FAM186A: variants seen among roughly 807,000 people sequenced by gnomAD.
FAM186A encodes family with sequence similarity 186 member A.
A neutral mutation model predicts 216.8 loss-of-function variants in FAM186A; 163 were observed. The observed-to-expected ratio is 0.75, with a 90% CI of 0.66 to 0.86. The LOEUF (loss-of-function observed/expected upper bound fraction) is 0.86. Ranked by LOEUF, FAM186A falls within the 40% of genes least tolerant of loss-of-function variation. The pLI is 0.00. For synonymous variants in FAM186A, 805 were observed against 1,025.3 expected, an observed-to-expected ratio of 0.79 and a Z score of 4.10; for missense variants, 2,184 against 2,746.2, an observed-to-expected ratio of 0.80 and a Z score of 4.58.
intron 1 of FAM186A, among the ~76,000 whole-genome samples, chr12:50,380,142 C>T (rs1943240642): frequency 6.6e-6 from 1 of 152,096 alleles, no homozygotes; most frequent in Admixed American, 6.6e-5. Context: ...AATATGAATA[C>T]TAACAACTGA....
intron 6 of FAM186A, among the ~76,000 whole-genome samples, chr12:50,330,977 C>A (rs2068920661): frequency 6.6e-6 from 1 of 152,014 alleles, no homozygotes; most frequent in African/African-American, 2.4e-5. Flanking sequence ...CCTAGTAATC[C>A]ATTTTAAAAC....
At position 50,353,580 on chromosome 12, in the gene FAM186A, C is replaced by A; in HGVS notation, c.3252G>T (p.Gly1084=). ...GGGCCTGCTGAGGAGTGAGTGTGAT[C>A]CCCACTTCCTGGGCCTGCTGAGGTG... ...HLTPQQAQEV[G]ITLTPQQAQA... is the part of the protein sequence containing the mutation. The change falls in exon 4 of 8, where the codon GGG becomes GGT. Residue 1084 remains glycine (G), a synonymous_variant. Transcript: ENST00000327337. 6.6e-7 allele frequency: 1 copy of A among 1,526,058 alleles called. No individual in the cohort carries two copies. The allele number at this position is 1,526,058 out of a possible 1,614,324, so 94.5% of individuals were successfully genotyped here.
At chr12:50,370,165 A>ATGG (rs1183334605) in intron 1 of FAM186A, among the ~76,000 whole-genome samples, 2 of 142,950 alleles carry the variant, frequency 1.4e-5, no homozygotes, top group Admixed American at 7.0e-5. Context: ...TTAGCCAGGC[A>ATGG]TGGTGGCACA....
chr12:50,358,912 G>C (rs7976270), intron 3 of FAM186A, among the ~76,000 whole-genome samples: 70,574 of 137,856 alleles, frequency 0.51, 20,694 homozygotes, highest in Non-Finnish European at 0.64. Context: ...GACAGAGTAA[G>C]ACTCTGTCTC....
In FAM186A at chr12:50,351,733, C is replaced by CA; in HGVS notation, c.5098_5099insT (p.Gly1700ValfsTer7). On this transcript the variant is annotated frameshift_variant, in exon 4 of 8. Coordinates refer to ENST00000327337, the MANE Select transcript of FAM186A (RefSeq NM_001145475.3). LOFTEE classifies it high-confidence loss of function. ...GACTTGCTTAAGGGTGAGGGGCGATCCCAAGGTATGGGCTTTATCTAAGGT... is the reference window on the plus strand; with the variant it reads ...GACTTGCTTAAGGGTGAGGGGCGATCACCAAGGTATGGGCTTTATCTAAGGT... The CA allele has an allele frequency of 6.4e-7, 1 of 1,551,334 alleles. No individual in the cohort carries two copies. Among genetic ancestry groups the CA allele is most frequent in the Non-Finnish European group, 8.7e-7 (1 of 1,146,850 alleles).
chr12:50,394,259 A>T (rs1416924086), intron 1 of FAM186A, among the ~76,000 whole-genome samples: 1 of 151,968 alleles, frequency 6.6e-6, no homozygotes, highest in Non-Finnish European at 1.5e-5. Context: ...TTTGTTTTTT[A>T]AAAGAATATA....
chr12:50,396,525 A>T lies in FAM186A; in HGVS notation c.-41T>A. The T allele has an allele frequency of 6.6e-7, 1 of 1,505,940 alleles. No homozygotes were observed. The highest frequency in any genetic ancestry group is 1.3e-5 in the South Asian group (1 of 77,236). The allele number at this position is 1,505,940 out of a possible 1,614,324, so 93.3% of individuals were successfully genotyped here. A position where few individuals can be genotyped will look rare whatever the true frequency, so the allele number is the denominator to read the frequency against. ...GATTTCGTTTTATTTCTTCTTTTTCACAGAATCTACAAAAATGCTAATAAA... is the reference window on the plus strand; with the variant it reads ...GATTTCGTTTTATTTCTTCTTTTTCTCAGAATCTACAAAAATGCTAATAAA... On this transcript the variant is annotated 5_prime_UTR_variant, in exon 1 of 8. Transcript: ENST00000327337.
chr12:50,350,578 G>A lies in FAM186A; in HGVS notation c.6254C>T (p.Thr2085Ile). ...GGGCACCATTACTTTGGGTTTCTTG[G>A]TATCTGAAACTGAACTCAGTATCCA... is the stretch of plus-strand genomic sequence containing the variant. ...KPWILSSVSD[T>I]KKPKVMVPPS... The change falls in exon 4 of 8, where the codon ACC (threonine) becomes ATC (isoleucine). Residue 2085 changes from threonine to isoleucine, a missense_variant. Thr to Ile is a moderately conservative substitution (Grantham distance 89). Around this residue, in one of 7 missense-constraint regions of FAM186A, gnomAD observed 721 missense variants for 816.4 expected, o/e 0.88. Coordinates refer to ENST00000327337, the MANE Select transcript of FAM186A (RefSeq NM_001145475.3). 1 of 1,551,574 alleles carries A rather than the reference G, an allele frequency of 6.4e-7. No homozygotes were observed. Among genetic ancestry groups the A allele is most frequent in the Non-Finnish European group, 8.7e-7 (1 of 1,146,970 alleles).
intron 4 of FAM186A, among the ~76,000 whole-genome samples, chr12:50,343,774 A>G (rs888896955): frequency 1.3e-5 from 2 of 152,112 alleles, no homozygotes; most frequent in Admixed American, 1.3e-4. Flanking sequence ...GCCCGCCACC[A>G]TGCCCAGCTA....
chr12:50,376,729 C>T (rs1162257349), intron 1 of FAM186A, among the ~76,000 whole-genome samples: 3 of 140,522 alleles, frequency 2.1e-5, no homozygotes, highest in Non-Finnish European at 1.5e-5. Context: ...CCTCCTTTTA[C>T]CTCTCTCTCT....
At position 50,366,127 on chromosome 12, in the gene FAM186A, C is replaced by CA. The variant is rs538209361; in HGVS notation, c.193-2764dup. 3,925 of 433,920 alleles carry CA rather than the reference C, an allele frequency of 9.0e-3. 5 individuals are homozygous for CA. The highest frequency in any genetic ancestry group is 0.016 in the African/African-American group (763 of 47,904). The allele number at this position is 433,920 out of a possible 1,614,324, so 26.9% of individuals were successfully genotyped here. A position where few individuals can be genotyped will look rare whatever the true frequency, so the allele number is the denominator to read the frequency against. ...TACGAGCTTTGATTAATACTTGAAA[C>CA]AAAAAAAAAAGAATAAGATTTGGAT... is the stretch of plus-strand genomic sequence containing the variant. On this transcript the variant is annotated intron_variant, in intron 1 of 7. Coordinates refer to ENST00000327337, the MANE Select transcript of FAM186A (RefSeq NM_001145475.3).
At chr12:50,338,502 C>T (rs1942733073) in intron 4 of FAM186A, among the ~76,000 whole-genome samples, 1 of 152,084 alleles carries the variant, frequency 6.6e-6, no homozygotes, top group African/African-American at 2.4e-5. Context: ...TGCCTGGCCT[C>T]AACCATTATT....
intron 1 of FAM186A, among the ~76,000 whole-genome samples, chr12:50,372,355 A>G (rs932543797): frequency 2.0e-5 from 3 of 151,924 alleles, no homozygotes; most frequent in Non-Finnish European, 4.4e-5. Context: ...GCACTTTGGA[A>G]GGCCAAGGAG....
At chr12:50,338,631 T>G (rs1394209047) in intron 4 of FAM186A, among the ~76,000 whole-genome samples, 1 of 152,164 alleles carries the variant, frequency 6.6e-6, no homozygotes, top group East Asian at 1.9e-4. Context: ...AAAGCATGAT[T>G]AGGATTTAAA....
At chr12:50,373,045 AAGAAAGAAAG>A (rs1943162153) in intron 1 of FAM186A, among the ~76,000 whole-genome samples, 2 of 150,354 alleles carry the variant, frequency 1.3e-5, no homozygotes, top group South Asian at 4.3e-4. Context: ...GAAAGAAAGA[AAGAAAGAAAG>A]AAAGAAAGAA....
intron 1 of FAM186A, among the ~76,000 whole-genome samples, chr12:50,368,976 A>ACAC (rs537756345): frequency 1.4e-5 from 2 of 146,280 alleles, no homozygotes; most frequent in East Asian, 2.4e-4. Context: ...AAAAAAAAAA[A>ACAC]AAACACACAC....
chr12:50,395,933 T>G (rs975146280), intron 1 of FAM186A, among the ~76,000 whole-genome samples: 2 of 152,076 alleles, frequency 1.3e-5, no homozygotes, highest in Non-Finnish European at 2.9e-5. Flanking sequence ...AGCTAACTTT[T>G]TGTATTTTTA....
intron 1 of FAM186A, among the ~76,000 whole-genome samples, chr12:50,391,548 T>G (rs1235784331): frequency 6.6e-6 from 1 of 150,828 alleles, no homozygotes; most frequent in East Asian, 2.0e-4. Flanking sequence ...ACTCCTGACC[T>G]TGTGATCCGC....
chr12:50,328,810 G>A (rs891416729), intron 7 of FAM186A, among the ~76,000 whole-genome samples: 11 of 151,948 alleles, frequency 7.2e-5, no homozygotes, highest in South Asian at 4.2e-4. Context: ...TCCTGGCCTC[G>A]AAGTAGGTTT....
Sources: gnomAD v4.1 joint callset for allele counts (sites outside exome capture counted in the v4.1 genomes callset) on GRCh38, gnomAD v4.1.1 for gene constraint, gnomAD v4.1.1 regional missense constraint, MANE v1.5 for transcripts, NCBI Gene and HGNC (gene_info 2026-07-23, HGNC 2026-07-21) for gene names.